The following ARHGAP42 variants were observed in gnomAD, a reference collection of about 807,000 sequenced individuals.
ARHGAP42 encodes Rho GTPase activating protein 42.
ARHGAP42 carries 63 observed loss-of-function variants against 125.0 expected under a neutral mutation model. The observed-to-expected ratio is 0.50, with a 90% CI of 0.41 to 0.62. ARHGAP42 has a LOEUF of 0.62. Among genes scored for constraint, ARHGAP42 ranks in the 20% least tolerant of loss-of-function variants. ARHGAP42 has a pLI of 0.00. For synonymous variants in ARHGAP42, 339 were observed against 351.0 expected (o/e 0.97, Z 0.38); for missense variants, 766 against 1,024.2 (o/e 0.75, Z 3.44).
chr11:100,929,503 T>A (rs1242153837), intron 6 of ARHGAP42, among the ~76,000 whole-genome samples: 3 of 152,180 alleles, frequency 2.0e-5, no homozygotes, highest in African/African-American at 7.2e-5. Flanking sequence ...TACCAAAATA[T>A]CTGCACCCCT....
chr11:100,982,743 T>C (rs1858575798), intron 22 of ARHGAP42, among the ~76,000 whole-genome samples: 1 of 152,216 alleles, frequency 6.6e-6, no homozygotes, highest in Admixed American at 6.5e-5. Context: ...GTCTGGTTCA[T>C]TGTAAACAAT....
intron 4 of ARHGAP42, among the ~76,000 whole-genome samples, chr11:100,898,128 T>C (rs1866414535): frequency 1.3e-5 from 2 of 152,244 alleles, no homozygotes; most frequent in South Asian, 4.1e-4. Context: ...GTTCTGTTTA[T>C]GTGATGGATT....
intron 3 of ARHGAP42, among the ~76,000 whole-genome samples, chr11:100,830,353 A>G (rs1033898810): frequency 6.6e-6 from 1 of 152,198 alleles, no homozygotes; most frequent in East Asian, 1.9e-4. Flanking sequence ...CATATTGGCA[A>G]CCTGTGACTG....
intron 3 of ARHGAP42, among the ~76,000 whole-genome samples, chr11:100,834,125 G>C (rs536506554): frequency 2.6e-5 from 4 of 152,200 alleles, no homozygotes; most frequent in African/African-American, 9.6e-5. Flanking sequence ...AGTCATTACA[G>C]TTATATGAAA....
chr11:100,914,005 G>C (rs589513), intron 5 of ARHGAP42, among the ~76,000 whole-genome samples: 1 of 151,834 alleles, frequency 6.6e-6, no homozygotes, highest in African/African-American at 2.4e-5. Flanking sequence ...TGCACTCTCA[G>C]CTCACTGCAA....
chr11:100,783,113 C>T (rs184723416), intron 2 of ARHGAP42, among the ~76,000 whole-genome samples: 56 of 152,234 alleles, frequency 3.7e-4, no homozygotes, highest in African/African-American at 1.2e-3. Context: ...CTTGGTGTCT[C>T]ATGCAGCCTG....
intron 1 of ARHGAP42, among the ~76,000 whole-genome samples, chr11:100,719,059 A>C (rs1861713441): frequency 6.6e-6 from 1 of 152,244 alleles, no homozygotes; most frequent in African/African-American, 2.4e-5. Context: ...CATCCTTCAA[A>C]GAAAATAGAT....
chr11:100,944,048 C>A (rs1218905357), intron 10 of ARHGAP42, among the ~76,000 whole-genome samples, 180 bp downstream of exon 10: 1 of 152,000 alleles, frequency 6.6e-6, no homozygotes, highest in Non-Finnish European at 1.5e-5. Flanking sequence ...CAAATCAGAT[C>A]CATGATGCTA....
At chr11:100,772,664 T>C (rs1046406086) in intron 2 of ARHGAP42, among the ~76,000 whole-genome samples, 8 of 152,166 alleles carry the variant, frequency 5.3e-5, no homozygotes, top group Non-Finnish European at 1.2e-4. Context: ...ATAGTGGTCA[T>C]TTTGCTTGTC....
At chr11:100,701,970 A>C (rs1172152828) in intron 1 of ARHGAP42, among the ~76,000 whole-genome samples, 2 of 151,944 alleles carry the variant, frequency 1.3e-5, no homozygotes, top group Admixed American at 6.6e-5. Context: ...CTCCCTCATG[A>C]AGTTTGATCA....
At chr11:100,714,180 C>T (rs1471005537) in intron 1 of ARHGAP42, among the ~76,000 whole-genome samples, 2 of 152,014 alleles carry the variant, frequency 1.3e-5, no homozygotes, top group Non-Finnish European at 2.9e-5. Context: ...TTTAGCAGAG[C>T]TTTTATATGA....
chr11:100,835,583 G>C (rs1043728142), intron 3 of ARHGAP42, among the ~76,000 whole-genome samples: 2 of 152,092 alleles, frequency 1.3e-5, no homozygotes, highest in African/African-American at 4.8e-5. Flanking sequence ...TGTTTGTTGG[G>C]AAACTCAGGG....
chr11:100,877,991 C>A (rs574520055), intron 4 of ARHGAP42, among the ~76,000 whole-genome samples: 1 of 123,296 alleles, frequency 8.1e-6, no homozygotes, highest in African/African-American at 3.2e-5. Flanking sequence ...GGTGACGCAG[C>A]GAGACTCTGT....
intron 6 of ARHGAP42, among the ~76,000 whole-genome samples, chr11:100,930,060 C>T (rs17713736): frequency 0.033 from 4,992 of 152,262 alleles, 129 homozygotes; most frequent in South Asian, 0.071. Context: ...TATGAGATTT[C>T]GTCAGTGATA....
At chr11:100,766,946 T>G (rs1033094364) in intron 1 of ARHGAP42, among the ~76,000 whole-genome samples, 1 of 152,172 alleles carries the variant, frequency 6.6e-6, no homozygotes, top group Non-Finnish European at 1.5e-5. Flanking sequence ...AAAGGATCAT[T>G]CATGCATTCT....
At chr11:100,983,532 G>A (rs1042807413) in intron 22 of ARHGAP42, among the ~76,000 whole-genome samples, 13 of 152,142 alleles carry the variant, frequency 8.5e-5, no homozygotes, top group Admixed American at 2.0e-4. Flanking sequence ...GCAGGGATGC[G>A]GGGATGGTAG....
chr11:100,955,685 A>G (rs1416490944), intron 12 of ARHGAP42, among the ~76,000 whole-genome samples: 1 of 152,114 alleles, frequency 6.6e-6, no homozygotes, highest in African/African-American at 2.4e-5. Context: ...CCCCAGAAGT[A>G]CCTTGTCCTC....
chr11:100,989,276 A>G lies in ARHGAP42; in HGVS notation c.*475A>G, dbSNP rs1407506935. On this transcript the variant is annotated 3_prime_UTR_variant, in exon 24 of 24. Coordinates refer to ENST00000298815, the MANE Select transcript of ARHGAP42 (RefSeq NM_152432.4). ...TCTTAGAAATATACTGCTTTTATAT[A>G]TGATTGTTTTGCTGGTCCTAAACAT... 4 of 395,580 alleles carry G rather than the reference A, an allele frequency of 1.0e-5. No homozygotes were observed. In the East Asian group the frequency reaches 1.4e-4, roughly 14 times the overall value. 24.5% of individuals were successfully genotyped at this position (395,580 alleles called of 1,614,324 possible). A position where few individuals can be genotyped will look rare whatever the true frequency, so the allele number is the denominator to read the frequency against.
At chr11:100,799,337 A>G (rs1387901062) in intron 3 of ARHGAP42, among the ~76,000 whole-genome samples, 2 of 152,194 alleles carry the variant, frequency 1.3e-5, no homozygotes, top group Non-Finnish European at 2.9e-5. Context: ...GTACTACTAG[A>G]AATGTGTATA....
Sources: allele counts gnomAD v4.1 joint callset (sites outside exome capture counted in the v4.1 genomes callset), GRCh38; gene constraint gnomAD v4.1.1; transcripts MANE v1.5; gene names NCBI Gene and HGNC (gene_info 2026-07-23, HGNC 2026-07-21).